Variants in ZMIZ1 observed in about 807,000 individuals in gnomAD.
ZMIZ1 encodes the protein zinc finger MIZ domain-containing protein 1.
ZMIZ1 carries 17 observed loss-of-function variants against 113.9 expected under a neutral mutation model. The ratio of observed to expected loss-of-function variants is 0.15; its 90% CI spans 0.10 to 0.22. The LOEUF is 0.22. Ranked by LOEUF, ZMIZ1 falls within the 10% of genes least tolerant of loss-of-function variation. ZMIZ1 has a pLI of 1.00. For synonymous variants in ZMIZ1, 607 were observed against 603.1 expected (o/e 1.01, Z -0.09); for missense variants, 1,059 against 1,477.8 (o/e 0.72, Z 4.65).
intron 8 of ZMIZ1, among the ~76,000 whole-genome samples, chr10:79,288,157 A>G (rs921673258): frequency 1.3e-5 from 2 of 152,216 alleles, no homozygotes; most frequent in Admixed American, 1.3e-4. Flanking sequence ...CCTCTGCAGG[A>G]GCCCGTCAGA....
intron 5 of ZMIZ1, among the ~76,000 whole-genome samples, chr10:79,207,946 C>A (rs113258134): frequency 6.6e-6 from 1 of 151,860 alleles, no homozygotes; most frequent in Admixed American, 6.6e-5. Context: ...TTCCGCCACC[C>A]CCACCAGCAT....
chr10:79,175,273 T>C (rs1449586590), intron 4 of ZMIZ1, among the ~76,000 whole-genome samples: 1 of 152,206 alleles, frequency 6.6e-6, no homozygotes, highest in Non-Finnish European at 1.5e-5. Context: ...CCCACCTGTT[T>C]CTGTCCCACT....
At chr10:79,281,901 G>C (rs1038681046) in intron 8 of ZMIZ1, among the ~76,000 whole-genome samples, 11 of 152,222 alleles carry the variant, frequency 7.2e-5, no homozygotes, top group Admixed American at 3.9e-4. Context: ...TGGTCCTTCA[G>C]GGTCAACGAG....
intron 8 of ZMIZ1, among the ~76,000 whole-genome samples, chr10:79,285,792 T>A (rs1374182664): frequency 6.6e-6 from 1 of 152,204 alleles, no homozygotes; most frequent in African/African-American, 2.4e-5. Flanking sequence ...TTGCCAGGAA[T>A]GCGAAGAGCC....
chr10:79,289,720 G>A (rs543040721), intron 8 of ZMIZ1, 55 bp from the exon 9 acceptor site: 137 of 1,541,132 alleles, frequency 8.9e-5, no homozygotes, highest in Non-Finnish European at 1.1e-4. Context: ...GGCATGGCCT[G>A]TCTTGAGTCT....
At chr10:79,283,563 C>T (rs975411735) in intron 8 of ZMIZ1, among the ~76,000 whole-genome samples, 1 of 152,168 alleles carries the variant, frequency 6.6e-6, no homozygotes, top group Non-Finnish European at 1.5e-5. Context: ...TCCACAGCTG[C>T]CATTTTTAGC....
At chr10:79,287,584 C>T (rs532712594) in intron 8 of ZMIZ1, among the ~76,000 whole-genome samples, 1 of 152,376 alleles carries the variant, frequency 6.6e-6, no homozygotes, top group African/African-American at 2.4e-5. Context: ...ACACATACGA[C>T]ACCTTGACCC....
intron 4 of ZMIZ1, among the ~76,000 whole-genome samples, chr10:79,182,362 G>T: frequency 6.6e-6 from 1 of 152,224 alleles, no homozygotes; most frequent in East Asian, 1.9e-4. Context: ...TCCAGGAGAA[G>T]GTGGGGGCCA....
intron 4 of ZMIZ1, among the ~76,000 whole-genome samples, chr10:79,179,782 G>A (rs1847034478): frequency 6.6e-6 from 1 of 152,278 alleles, no homozygotes; most frequent in Non-Finnish European, 1.5e-5. Context: ...GAGCAGGGTT[G>A]CCATGGCAAC....
At chr10:79,180,847 GC>G (rs1410563318) in intron 4 of ZMIZ1, among the ~76,000 whole-genome samples, 1 of 152,244 alleles carries the variant, frequency 6.6e-6, no homozygotes, top group African/African-American at 2.4e-5. Context: ...CCCAGCTCAA[GC>G]CCGGTCTTCG....
At chr10:79,101,773 G>A (rs753995241) in intron 1 of ZMIZ1, among the ~76,000 whole-genome samples, 2 of 152,202 alleles carry the variant, frequency 1.3e-5, no homozygotes, top group Non-Finnish European at 2.9e-5. Flanking sequence ...CAGCCGTGGG[G>A]CCTCAGGGGC....
chr10:79,308,274 G>C (rs1854869403), intron 23 of ZMIZ1, among the ~76,000 whole-genome samples: 1 of 152,248 alleles, frequency 6.6e-6, no homozygotes, highest in Non-Finnish European at 1.5e-5. Context: ...CCATGTGACA[G>C]GTGTAAGCAA....
Position 79,078,108 on chromosome 10 carries a change from G to A in ZMIZ1, c.-337+8838G>A, listed in dbSNP as rs74447382. 3.4e-3 allele frequency among the ~76,000 whole-genome samples: 520 copies of A among 152,314 alleles called. 13 individuals carry two copies. In the South Asian group the frequency reaches 0.044, roughly 13 times the overall value. ...GTACATTGTAATTCAACCTACTAGGGCAGCTTGTTCCCCTTGGAAAGGCGT... is the reference window on the plus strand; with the variant it reads ...GTACATTGTAATTCAACCTACTAGGACAGCTTGTTCCCCTTGGAAAGGCGT... On this transcript the variant is annotated intron_variant, in intron 1 of 24. Transcript: ENST00000334512.
At chr10:79,125,911 A>G (rs981864377) in intron 2 of ZMIZ1, among the ~76,000 whole-genome samples, 2 of 152,176 alleles carry the variant, frequency 1.3e-5, no homozygotes, top group African/African-American at 4.8e-5. Context: ...TGTAGGCTAC[A>G]TGGGGGTGCA....
intron 7 of ZMIZ1, among the ~76,000 whole-genome samples, chr10:79,236,066 C>T (rs1849576401): frequency 6.6e-6 from 1 of 152,168 alleles, no homozygotes; most frequent in Non-Finnish European, 1.5e-5. Flanking sequence ...TAAGTAGAGG[C>T]TCTGTCAAGA....
intron 7 of ZMIZ1, among the ~76,000 whole-genome samples, chr10:79,238,320 A>T (rs1458443222): frequency 5.3e-5 from 8 of 152,184 alleles, no homozygotes. Context: ...AGCCAAATGC[A>T]GACTTCTGGG....
chr10:79,160,107 G>A (rs1184334590), intron 3 of ZMIZ1, among the ~76,000 whole-genome samples: 1 of 152,250 alleles, frequency 6.6e-6, no homozygotes, highest in Non-Finnish European at 1.5e-5. Flanking sequence ...GGGGAGGCAG[G>A]AGGCCGACTC....
At chr10:79,242,685 A>T (rs1195516199) in intron 7 of ZMIZ1, among the ~76,000 whole-genome samples, 3 of 150,442 alleles carry the variant, frequency 2.0e-5, no homozygotes, top group Admixed American at 2.0e-4. Context: ...GAAGTCATCC[A>T]CCGCCAGCGC....
chr10:79,107,757 C>G (rs1265439016), intron 1 of ZMIZ1, among the ~76,000 whole-genome samples: 1 of 152,222 alleles, frequency 6.6e-6, no homozygotes, highest in Admixed American at 6.5e-5. Flanking sequence ...CAAAACTTCT[C>G]TGGACAGAGG....
Sources: allele counts gnomAD v4.1 joint callset (sites outside exome capture counted in the v4.1 genomes callset), GRCh38; gene constraint gnomAD v4.1.1; transcripts MANE v1.5; gene names NCBI Gene and HGNC (gene_info 2026-07-23, HGNC 2026-07-21).